The following MARCHF1 variants were observed in gnomAD, a reference collection of about 807,000 sequenced individuals.
MARCHF1 encodes the protein membrane associated ring-CH-type finger 1, also known as E3 ubiquitin-protein ligase MARCHF1.
A neutral mutation model predicts 54.2 loss-of-function variants in MARCHF1; 40 were observed. The ratio of observed to expected loss-of-function variants is 0.74; its 90% CI spans 0.57 to 0.96. The LOEUF is 0.96. MARCHF1 is among the 40% of genes least tolerant of loss of function. MARCHF1 has a pLI of 0.00. For missense variants in MARCHF1, 586 were observed against 656.5 expected, an observed-to-expected ratio of 0.89 and a Z score of 1.17; for synonymous variants, 236 against 236.3, an observed-to-expected ratio of 1.00 and a Z score of 0.01.
chr4:163,596,307 C>T (rs1041868452), intron 7 of MARCHF1, among the ~76,000 whole-genome samples: 1 of 151,766 alleles, frequency 6.6e-6, no homozygotes, highest in Non-Finnish European at 1.5e-5. Context: ...TTTGGGAAGC[C>T]GAGGCAGGCA....
At chr4:164,372,067 C>T (rs1447478912) in intron 1 of MARCHF1, among the ~76,000 whole-genome samples, 1 of 152,036 alleles carries the variant, frequency 6.6e-6, no homozygotes, top group Non-Finnish European at 1.5e-5. Context: ...AGAGGGAGGC[C>T]CTTTCTCAAG....
intron 4 of MARCHF1, among the ~76,000 whole-genome samples, chr4:163,817,221 C>T (rs1294502367): frequency 6.6e-6 from 1 of 151,968 alleles, no homozygotes; most frequent in Non-Finnish European, 1.5e-5. Context: ...TTTACCACTG[C>T]TTGTTTTGGT....
chr4:164,379,099 G>A (rs1444342626), intron 1 of MARCHF1, among the ~76,000 whole-genome samples: 1 of 152,110 alleles, frequency 6.6e-6, no homozygotes, highest in Non-Finnish European at 1.5e-5. Context: ...GCTGACATTA[G>A]CAGACTAAAA....
At chr4:163,917,659 G>A (rs183426794) in intron 3 of MARCHF1, among the ~76,000 whole-genome samples, 13 of 152,118 alleles carry the variant, frequency 8.5e-5, no homozygotes, top group Admixed American at 7.9e-4. Flanking sequence ...TGTGCAGGAT[G>A]TGCAGGTTTG....
At chr4:164,319,019 G>A (rs1312192700) in intron 1 of MARCHF1, among the ~76,000 whole-genome samples, 1 of 151,978 alleles carries the variant, frequency 6.6e-6, no homozygotes, top group East Asian at 1.9e-4. Flanking sequence ...TTTTGTTCTG[G>A]ATATCTGAAT....
At chr4:164,168,326 A>G (rs974306396) in intron 1 of MARCHF1, among the ~76,000 whole-genome samples, 6 of 152,140 alleles carry the variant, frequency 3.9e-5, no homozygotes, top group African/African-American at 1.4e-4. Flanking sequence ...TGTTGGTAGG[A>G]ATGTAGATTG....
intron 5 of MARCHF1, among the ~76,000 whole-genome samples, chr4:163,644,188 T>C (rs780108520): frequency 1.3e-4 from 20 of 152,158 alleles, no homozygotes; most frequent in Non-Finnish European, 2.1e-4. Flanking sequence ...TTGAGCAGGA[T>C]GTTAGAATAG....
intron 1 of MARCHF1, among the ~76,000 whole-genome samples, chr4:164,254,225 T>A (rs981873431): frequency 3.3e-5 from 5 of 151,852 alleles, no homozygotes; most frequent in Non-Finnish European, 2.9e-5. Flanking sequence ...CTAATTTTTG[T>A]ATTTTTAGTA....
intron 2 of MARCHF1, among the ~76,000 whole-genome samples, chr4:164,051,281 G>A (rs11724812): frequency 0.3 from 45,850 of 151,984 alleles, 7,686 homozygotes; most frequent in East Asian, 0.48. Flanking sequence ...TCTACATGAT[G>A]TAATAATGCA....
chr4:164,222,728 T>A (rs1489984457), intron 1 of MARCHF1, among the ~76,000 whole-genome samples: 1 of 152,006 alleles, frequency 6.6e-6, no homozygotes, highest in Non-Finnish European at 1.5e-5. Flanking sequence ...TATATTTTGA[T>A]GGTAGTTTTA....
intron 1 of MARCHF1, among the ~76,000 whole-genome samples, chr4:164,155,984 A>G: frequency 6.6e-6 from 1 of 152,180 alleles, no homozygotes; most frequent in Non-Finnish European, 1.5e-5. Context: ...TTTCGGGGGA[A>G]GTATCTACTT....
intron 4 of MARCHF1, among the ~76,000 whole-genome samples, chr4:163,705,630 C>G (rs1205851682): frequency 2.0e-5 from 3 of 151,872 alleles, no homozygotes; most frequent in African/African-American, 7.2e-5. Flanking sequence ...CTTTGGCAGT[C>G]TTATTCTAAC....
intron 9 of MARCHF1, among the ~76,000 whole-genome samples, chr4:163,540,196 G>A (rs1404856576): frequency 3.3e-5 from 5 of 152,150 alleles, no homozygotes; most frequent in African/African-American, 1.2e-4. Context: ...TCATGCAACT[G>A]GAGACACCTA....
At chr4:163,971,896 C>T (rs758914219) in intron 3 of MARCHF1, among the ~76,000 whole-genome samples, 2 of 152,160 alleles carry the variant, frequency 1.3e-5, no homozygotes, top group Non-Finnish European at 2.9e-5. Context: ...GCCACATGCA[C>T]ATGTATGTTT....
chr4:164,026,691 C>T (rs1360195200), intron 2 of MARCHF1, among the ~76,000 whole-genome samples: 2 of 152,084 alleles, frequency 1.3e-5, no homozygotes, highest in Non-Finnish European at 1.5e-5. Flanking sequence ...CAAGGATGCC[C>T]AGTCTCACAA....
chr4:163,573,513 C>G lies in MARCHF1; in HGVS notation c.1191+12236G>C, dbSNP rs1474037449. On this transcript the variant is annotated intron_variant, in intron 8 of 9. Coordinates refer to ENST00000514618, the MANE Select transcript of MARCHF1 (RefSeq NM_001394959.1). ...GAGTGTGATGTTCCCCTTCCTGTGT[C>G]CATGTGATCTCATTGTTCAGTTCCC... Among the ~76,000 whole-genome samples the G allele has an allele frequency of 6.0e-5, 8 of 134,146 alleles. No individual in the cohort carries two copies. The Admixed American group carries it at 6.9e-4, about 12-fold the overall frequency. The allele number at this position is 134,146 out of a possible 152,430, so 88.0% of individuals were successfully genotyped here. A position where few individuals can be genotyped will look rare whatever the true frequency, so the allele number is the denominator to read the frequency against.
intron 1 of MARCHF1, among the ~76,000 whole-genome samples, chr4:164,223,384 T>C (rs957514052): frequency 1.3e-5 from 2 of 152,008 alleles, no homozygotes; most frequent in African/African-American, 4.8e-5. Context: ...GTGACAATTG[T>C]GGCTGTTAAT....
intron 5 of MARCHF1, among the ~76,000 whole-genome samples, chr4:163,641,837 T>A (rs1440513956): frequency 3.3e-5 from 5 of 152,192 alleles, no homozygotes; most frequent in African/African-American, 4.8e-5. Flanking sequence ...TTGGCTTATC[T>A]GCGTTGGAGT....
intron 1 of MARCHF1, among the ~76,000 whole-genome samples, chr4:164,236,109 A>G (rs1732545164): frequency 6.6e-6 from 1 of 152,052 alleles, no homozygotes; most frequent in African/African-American, 2.4e-5. Context: ...TTTTAATCAC[A>G]CTTCACAAAT....
Sources: gnomAD v4.1 joint callset for allele counts (sites outside exome capture counted in the v4.1 genomes callset) on GRCh38, gnomAD v4.1.1 for gene constraint, MANE v1.5 for transcripts, NCBI Gene and HGNC (gene_info 2026-07-23, HGNC 2026-07-21) for gene names.